The following SUSD2 variants were observed in gnomAD, a reference collection of about 807,000 sequenced individuals.
SUSD2 encodes the protein sushi domain-containing protein 2.
A neutral mutation model predicts 93.8 loss-of-function variants in SUSD2; 86 were observed. The ratio of observed to expected loss-of-function variants is 0.92; its 90% CI spans 0.77 to 1.10. SUSD2 has a LOEUF of 1.10. Ranked by LOEUF, SUSD2 falls within the 50% of genes least tolerant of loss-of-function variation. The pLI is 0.00. For synonymous variants in SUSD2, 483 were observed against 485.0 expected (o/e 1.00, Z 0.05); for missense variants, 1,060 against 1,137.0 (o/e 0.93, Z 0.97).
chr22:24,186,490 G>T, intron 10 of SUSD2, 75 bp downstream of exon 10: 1 of 1,539,362 alleles, frequency 6.5e-7, no homozygotes, highest in East Asian at 2.3e-5. Flanking sequence ...CTGAGGGGAA[G>T]CCCTGGGCCT....
Position 24,184,287 on chromosome 22 carries a change from G to A in SUSD2, c.591G>A (p.Trp197Ter), listed in dbSNP as rs1447292088. ...CGCAGACCATCACCATCGAACTGTG[G>A]GGCTACGAGGAGACAGGTGAGGCCA... ...LPTQTITIEL[W>*]GYEETGMPYS... is the part of the protein sequence containing the mutation. Residue 197 changes from tryptophan to a stop codon, truncating the protein, a stop_gained, in exon 4 of 15, where the codon TGG becomes TGA. Coordinates refer to ENST00000358321, the MANE Select transcript of SUSD2 (RefSeq NM_019601.4). LOFTEE classifies it high-confidence loss of function. The A allele has an allele frequency of 2.5e-6, 4 of 1,613,254 alleles. No individual in the cohort carries two copies. The highest frequency in any genetic ancestry group is 1.3e-5 in the African/African-American group (1 of 74,934).
At chr22:24,184,052 C>T (rs747878938) in intron 3 of SUSD2, 84 bp from the exon 4 acceptor site, 1 of 1,391,944 alleles carries the variant, frequency 7.2e-7, no homozygotes, top group Non-Finnish European at 1.0e-6. Flanking sequence ...GCCCTGGAGG[C>T]TCCCACAGCC....
rs759205141 is a variant in SUSD2, at chr22:24,183,183, AC to A, written c.204del (p.Ser69GlnfsTer4). The A allele has an allele frequency of 6.2e-7, 1 of 1,613,902 alleles. No individual in the cohort carries two copies. The highest frequency in any genetic ancestry group is 2.2e-5 in the East Asian group (1 of 44,878). ...GACTTCTGCCTGGAGATATTGCCCTACTCAGGATCCATGATGGGCGGCAAGG... is the reference window on the plus strand; with the variant it reads ...GACTTCTGCCTGGAGATATTGCCCTATCAGGATCCATGATGGGCGGCAAGG... ...FRDFCLEILP[Y>X]SGSMMGGKDF... is the part of the protein sequence containing the mutation. On this transcript the variant is annotated frameshift_variant, in exon 2 of 15. Coordinates refer to ENST00000358321, the MANE Select transcript of SUSD2 (RefSeq NM_019601.4). LOFTEE classifies it high-confidence loss of function.
intron 1 of SUSD2, among the ~76,000 whole-genome samples, chr22:24,181,994 C>T (rs2047328557): frequency 6.6e-6 from 1 of 152,226 alleles, no homozygotes; most frequent in South Asian, 2.1e-4. Context: ...CCCCCGTCCC[C>T]CACCCCATTT....
chr22:24,181,889 GC>G (rs2047328007), intron 1 of SUSD2, among the ~76,000 whole-genome samples: 1 of 152,202 alleles, frequency 6.6e-6, no homozygotes, highest in African/African-American at 2.4e-5. Flanking sequence ...CGGAGGGGGA[GC>G]CAGGATTGTG....
chr22:24,188,152 C>A lies in SUSD2; in HGVS notation c.2341+17C>A. The A allele has an allele frequency of 6.2e-7, 1 of 1,608,056 alleles. No homozygotes were observed. Among genetic ancestry groups the A allele is most frequent in the South Asian group, 1.1e-5 (1 of 90,548 alleles). Reference sequence around the variant, plus strand: ...GCCAGCCAGGTGAGGACACTCTGCTCATACACCTGCCTGCACCTGTCCCCA... The same window carrying A: ...GCCAGCCAGGTGAGGACACTCTGCTAATACACCTGCCTGCACCTGTCCCCA... On this transcript the variant is annotated intron_variant, in intron 13 of 14. Transcript: ENST00000358321. The surrounding 1 kb of genome is among the most constrained non-coding windows in gnomAD (Gnocchi z 4.7).
intron 4 of SUSD2, 112 bp from the exon 5 acceptor site, chr22:24,184,654 A>T: frequency 1.1e-6 from 1 of 881,424 alleles, no homozygotes; most frequent in Non-Finnish European, 1.8e-6. Flanking sequence ...AGCCCCTCCT[A>T]AGGGGACCGC....
chr22:24,186,396 G>C lies in SUSD2; in HGVS notation c.1623G>C (p.Gln541His), dbSNP rs1050777487. The change falls in exon 10 of 15, where the codon CAG becomes CAC. Residue 541 changes from glutamine to histidine, a missense_variant. Transcript: ENST00000358321. ...AGGAGGTGCTGAGCTTCACCGAGCA[G>C]AGCTGGATGGACCTGAAAGGTGAGC... ...LNQEVLSFTEQSWMDLKGMFL... is the reference protein window; with the variant it reads ...LNQEVLSFTEHSWMDLKGMFL... 6.2e-7 allele frequency: 1 copy of C among 1,613,374 alleles called. No individual in the cohort carries two copies. The highest frequency in any genetic ancestry group is 1.3e-5 in the African/African-American group (1 of 74,940).
rs185370449 is a variant in SUSD2 at position 24,185,459 on chromosome 22, G to C, written c.985-27G>C. On this transcript the variant is annotated intron_variant, in intron 6 of 14. Coordinates refer to ENST00000358321, the MANE Select transcript of SUSD2 (RefSeq NM_019601.4). ...GGGGATGACAGAACCCGAGGCCACT[G>C]GGTGACAGCCACCTGCTGCTCTGCA... 7.5e-5 allele frequency: 116 copies of C among 1,552,722 alleles called. No individual in the cohort carries two copies. The African/African-American group carries it at 1.4e-3, about 19-fold the overall frequency.
rs142885659 is a variant in SUSD2, at chr22:24,188,267, T to C, written c.2384T>C (p.Leu795Pro). 13 of 1,605,040 alleles carry C rather than the reference T, an allele frequency of 8.1e-6. No individual in the cohort carries two copies. The highest frequency in any genetic ancestry group is 1.1e-5 in the Non-Finnish European group (13 of 1,175,188). ...AVLLGIIFGG[L>P]AVVAAVALVY... is the part of the protein sequence containing the mutation. ...CTGTTGGGCATCATCTTTGGGGGCC[T>C]CGCGGTGGTGGCGGCGGTTGCGCTC... is the stretch of plus-strand genomic sequence containing the variant. The change falls in exon 14 of 15, where the codon CTC (leucine) becomes CCC (proline). Residue 795 changes from leucine (L) to proline (P), a missense_variant. Transcript: ENST00000358321. This position sits in a 1 kb window ranked among gnomAD's most constrained non-coding sequence, Gnocchi z 4.7.
Position 24,185,223 on chromosome 22 carries a change from C to T in SUSD2, c.912C>T (p.Pro304=), listed in dbSNP as rs2148865889. ...GGGAGGAGCTGGAGGATCAGCTGCCCAACTTCCTGGAGGAGCTGCCGGACT... is the reference window on the plus strand; with the variant it reads ...GGGAGGAGCTGGAGGATCAGCTGCCTAACTTCCTGGAGGAGCTGCCGGACT... ...QAWEELEDQL[P]NFLEELPDCP... is the part of the protein sequence containing the mutation. Residue 304 remains proline, a synonymous_variant, in exon 6 of 15, where the codon CCC becomes CCT. Coordinates refer to ENST00000358321, the MANE Select transcript of SUSD2 (RefSeq NM_019601.4). 1 of 1,610,174 alleles carries T rather than the reference C, an allele frequency of 6.2e-7. No homozygotes were observed. The highest frequency in any genetic ancestry group is 8.5e-7 in the Non-Finnish European group (1 of 1,179,916).
At chr22:24,185,322 A>AG in intron 6 of SUSD2, 27 bp downstream of exon 6, 1 of 1,595,558 alleles carries the variant, frequency 6.3e-7, no homozygotes, top group Non-Finnish European at 8.5e-7. Context: ...GGCCCAGGAG[A>AG]GGGGATGAGG....
chr22:24,182,587 C>T (rs753911582), intron 1 of SUSD2: 3 of 181,698 alleles, frequency 1.7e-5, no homozygotes, highest in Non-Finnish European at 3.5e-5. Flanking sequence ...ATATCCCCCA[C>T]CCCAGTCCAG....
Position 24,185,929 on chromosome 22 carries a change from G to A in SUSD2, c.1339G>A (p.Ala447Thr). 6.4e-7 allele frequency: 1 copy of A among 1,569,194 alleles called. No individual in the cohort carries two copies. Among genetic ancestry groups the A allele is most frequent in the Non-Finnish European group, 8.7e-7 (1 of 1,153,546 alleles). The change falls in exon 8 of 15, where the codon GCC (alanine) becomes ACC (threonine). Residue 447 changes from alanine to threonine, a missense_variant and splice_region_variant. Physicochemically the swap from Ala to Thr is moderately conservative, Grantham distance 58. Transcript: ENST00000358321. ...DCRNYRPPRL[A>T]SAFGDPHFVT... is the part of the protein sequence containing the mutation. ...CCGCAACTACCGGCCCCCAAGACTG[G>A]GTGGGTGCCATCCCGTGCCCCAGAC...
At position 24,187,745 on chromosome 22, in the gene SUSD2, G is replaced by C; in HGVS notation, c.2066G>C (p.Cys689Ser). ...AAACTATGTGGGGACGATCATTTCTGCAACTTTGATGTGGCAGCCACTGGG... is the reference window on the plus strand; with the variant it reads ...AAACTATGTGGGGACGATCATTTCTCCAACTTTGATGTGGCAGCCACTGGG... Reference protein sequence around the residue: ...AAKLCGDDHFCNFDVAATGSL... With the variant: ...AAKLCGDDHFSNFDVAATGSL... The change falls in exon 12 of 15, where the codon TGC (cysteine) becomes TCC (serine). Residue 689 changes from cysteine (C) to serine (S), a missense_variant. This residue lies in a region of SUSD2 where 973 missense variants were observed against 1,005.3 expected (regional missense o/e 0.97). Coordinates refer to ENST00000358321, the MANE Select transcript of SUSD2 (RefSeq NM_019601.4). 7 of 1,614,036 alleles carry C rather than the reference G, an allele frequency of 4.3e-6. No homozygotes were observed. Among genetic ancestry groups the C allele is most frequent in the Non-Finnish European group, 5.9e-6 (7 of 1,180,040 alleles).
chr22:24,183,545 T>C lies in SUSD2; in HGVS notation c.338T>C (p.Val113Ala). 5 of 1,613,436 alleles carry C rather than the reference T, an allele frequency of 3.1e-6. No homozygotes were observed. Among genetic ancestry groups the C allele is most frequent in the African/African-American group, 1.3e-5 (1 of 75,056 alleles). ...TLGHVDSSGQ[V>A]HCVSPLLYES... ...GGCCATGTGGACTCCTCCGGGCAAG[T>C]GCACTGTGTGTCACCTCTGCTCTAT... The change falls in exon 3 of 15, where the codon GTG (valine) becomes GCG (alanine). Residue 113 changes from valine to alanine, a missense_variant. Val to Ala is a moderately conservative substitution (Grantham distance 64). This residue lies in a region of SUSD2 where 973 missense variants were observed against 1,005.3 expected (regional missense o/e 0.97). Transcript: ENST00000358321.
chr22:24,183,987 T>C, intron 3 of SUSD2, 149 bp from the exon 4 acceptor site: 1 of 778,720 alleles, frequency 1.3e-6, no homozygotes, highest in Non-Finnish European at 2.0e-6. Context: ...GGCCTCAGCG[T>C]CCTTTTCTGC....
At position 24,188,272 on chromosome 22, in the gene SUSD2, G is replaced by T; in HGVS notation, c.2389G>T (p.Val797Leu). 6.2e-7 allele frequency: 1 copy of T among 1,605,594 alleles called. No individual in the cohort carries two copies. The highest frequency in any genetic ancestry group is 1.1e-5 in the South Asian group (1 of 90,566). ...GGGCATCATCTTTGGGGGCCTCGCGGTGGTGGCGGCGGTTGCGCTCGTCTA... is the reference window on the plus strand; with the variant it reads ...GGGCATCATCTTTGGGGGCCTCGCGTTGGTGGCGGCGGTTGCGCTCGTCTA... ...LLGIIFGGLA[V>L]VAAVALVYVL... The change falls in exon 14 of 15, where the codon GTG (valine) becomes TTG (leucine). Residue 797 changes from valine (V) to leucine (L), a missense_variant. Around this residue, in one of 2 missense-constraint regions of SUSD2, gnomAD observed 973 missense variants for 1,005.3 expected, o/e 0.97. Coordinates refer to ENST00000358321, the MANE Select transcript of SUSD2 (RefSeq NM_019601.4). The surrounding 1 kb of genome is among the most constrained non-coding windows in gnomAD (Gnocchi z 4.7).
chr22:24,185,367 G>A, intron 6 of SUSD2, 72 bp downstream of exon 6: 1 of 1,552,770 alleles, frequency 6.4e-7, no homozygotes, highest in Non-Finnish European at 8.7e-7. Flanking sequence ...CACCAGGGGA[G>A]GCAGACAGAG....
Sources: gnomAD v4.1 joint callset for allele counts (sites outside exome capture counted in the v4.1 genomes callset) on GRCh38, gnomAD v4.1.1 for gene constraint, gnomAD v4.1.1 regional missense constraint, Gnocchi (gnomAD v3.1) non-coding constraint, MANE v1.5 for transcripts, NCBI Gene and HGNC (gene_info 2026-07-23, HGNC 2026-07-21) for gene names.